ELAPOR1: variants seen among roughly 807,000 people sequenced by gnomAD.
ELAPOR1 encodes endosome/lysosome-associated apoptosis and autophagy regulator 1.
ELAPOR1 carries 77 observed loss-of-function variants against 119.7 expected under a neutral mutation model. The observed-to-expected ratio is 0.64, with a 90% CI of 0.54 to 0.78. The LOEUF is 0.78. Among genes scored for constraint, ELAPOR1 ranks in the 30% least tolerant of loss-of-function variants. ELAPOR1 has a pLI of 0.00. For synonymous variants in ELAPOR1, 481 were observed against 487.2 expected (o/e 0.99, Z 0.17); for missense variants, 1,115 against 1,270.4 (o/e 0.88, Z 1.86).
At chr1:109,164,732 G>A (rs753365284) in intron 3 of ELAPOR1, 41 bp downstream of exon 3, 3 of 1,570,946 alleles carry the variant, frequency 1.9e-6, no homozygotes, top group South Asian at 1.1e-5. Context: ...CAGCCCACTG[G>A]GTAAGGGGCT....
chr1:109,173,589 G>C lies in ELAPOR1; in HGVS notation c.802+10G>C, dbSNP rs752127069. The stretch of plus-strand genomic sequence containing the variant: ...AACATTGCCATAACAGGTACTGAGA[G>C]CAGGGTTACTGACTTCCTGGGCTGT... On this transcript the variant is annotated intron_variant, in intron 6 of 21. Coordinates refer to ENST00000369939, the MANE Select transcript of ELAPOR1 (RefSeq NM_020775.5). 2.0e-5 allele frequency: 32 copies of C among 1,613,866 alleles called. No homozygotes were observed. Among genetic ancestry groups the C allele is most frequent in the Non-Finnish European group, 2.6e-5 (31 of 1,179,770 alleles).
chr1:109,123,709 T>C (rs1648591101), intron 1 of ELAPOR1, among the ~76,000 whole-genome samples: 1 of 152,236 alleles, frequency 6.6e-6, no homozygotes, highest in Admixed American at 6.5e-5. Flanking sequence ...AATTTCATAA[T>C]TGGTTAAGCT....
intron 20 of ELAPOR1, 148 bp downstream of exon 20, chr1:109,200,385 C>A: frequency 1.1e-6 from 1 of 935,154 alleles, no homozygotes; most frequent in Non-Finnish European, 1.6e-6. Flanking sequence ...GTTATCCTGA[C>A]TCCTGAACAG....
At chr1:109,148,540 A>G (rs1282497916) in intron 1 of ELAPOR1, among the ~76,000 whole-genome samples, 1 of 152,234 alleles carries the variant, frequency 6.6e-6, no homozygotes, top group Admixed American at 6.5e-5. Flanking sequence ...ATTTGGAGAA[A>G]CAGTGCTATA....
At chr1:109,126,353 G>A (rs1648778437) in intron 1 of ELAPOR1, among the ~76,000 whole-genome samples, 1 of 152,092 alleles carries the variant, frequency 6.6e-6, no homozygotes, top group South Asian at 2.1e-4. Context: ...CAGGTACAGT[G>A]GCTCACCCCT....
chr1:109,114,441 T>G, intron 1 of ELAPOR1, 105 bp downstream of exon 1: 2 of 1,346,826 alleles, frequency 1.5e-6, no homozygotes, highest in Non-Finnish European at 2.0e-6. Context: ...CCACGGAGTT[T>G]AGATTTCTTT....
chr1:109,121,697 T>G (rs773736045), intron 1 of ELAPOR1, among the ~76,000 whole-genome samples: 9 of 152,048 alleles, frequency 5.9e-5, no homozygotes, highest in Non-Finnish European at 1.2e-4. Context: ...CTTGTGAAAT[T>G]TAGACAATTT....
chr1:109,149,620 C>T (rs1477495571), intron 1 of ELAPOR1, among the ~76,000 whole-genome samples: 1 of 152,150 alleles, frequency 6.6e-6, no homozygotes, highest in Non-Finnish European at 1.5e-5. Context: ...TTGAAAGCTA[C>T]TATGTCAGGT....
At chr1:109,133,940 T>C (rs1428777815) in intron 1 of ELAPOR1, among the ~76,000 whole-genome samples, 1 of 152,208 alleles carries the variant, frequency 6.6e-6, no homozygotes, top group Non-Finnish European at 1.5e-5. Flanking sequence ...TCCAGGCCAT[T>C]TCTACTTTGG....
intron 1 of ELAPOR1, among the ~76,000 whole-genome samples, chr1:109,146,215 G>A (rs1466279072): frequency 6.6e-6 from 1 of 152,038 alleles, no homozygotes; most frequent in Admixed American, 6.6e-5. Context: ...AGCTACTGAG[G>A]AGGCTGAGAT....
chr1:109,182,314 A>AGC (rs1652745195), intron 7 of ELAPOR1, among the ~76,000 whole-genome samples: 1 of 147,128 alleles, frequency 6.8e-6, no homozygotes, highest in Non-Finnish European at 1.5e-5. Context: ...TGGGCAACAG[A>AGC]GCGAGACTCT....
At position 109,198,587 on chromosome 1, in the gene ELAPOR1, C is replaced by A; in HGVS notation, c.2414C>A (p.Thr805Asn). 1.2e-6 allele frequency: 2 copies of A among 1,613,588 alleles called. No homozygotes were observed. The highest frequency in any genetic ancestry group is 1.3e-5 in the African/African-American group (1 of 75,036). Residue 805 changes from threonine to asparagine, a missense_variant, in exon 18 of 22, where the codon ACC becomes AAC. Physicochemically the swap from Thr to Asn is moderately conservative, Grantham distance 65. Coordinates refer to ENST00000369939, the MANE Select transcript of ELAPOR1 (RefSeq NM_020775.5). Reference sequence around the variant, plus strand: ...TTTCTCTGCAGGTCCAATGATGTGACCCAGTCCTGCAGTTCTGGGAGATCA... The same window carrying A: ...TTTCTCTGCAGGTCCAATGATGTGAACCAGTCCTGCAGTTCTGGGAGATCA... ...VIFFYRSNDV[T>N]QSCSSGRSTT...
intron 1 of ELAPOR1, among the ~76,000 whole-genome samples, chr1:109,123,872 G>C (rs1472001755): frequency 1.3e-5 from 2 of 152,028 alleles, no homozygotes; most frequent in Non-Finnish European, 2.9e-5. Flanking sequence ...GCACGATCTT[G>C]GCCCACTGCA....
intron 1 of ELAPOR1, among the ~76,000 whole-genome samples, chr1:109,130,315 G>T (rs969058583): frequency 7.9e-5 from 12 of 152,064 alleles, no homozygotes; most frequent in African/African-American, 2.7e-4. Flanking sequence ...GTTATCAAGT[G>T]CCAAAGTGCC....
chr1:109,198,679 G>A lies in ELAPOR1; in HGVS notation c.2501+5G>A. Reference sequence around the variant, plus strand: ...TGGAAGTTTGCTGCTGCCAGGGTAAGCCCTGCAAAGGGATGTAACAAAGGC... The same window carrying A: ...TGGAAGTTTGCTGCTGCCAGGGTAAACCCTGCAAAGGGATGTAACAAAGGC... On this transcript the variant is annotated splice_donor_5th_base_variant and intron_variant, in intron 18 of 21. Coordinates refer to ENST00000369939, the MANE Select transcript of ELAPOR1 (RefSeq NM_020775.5). 6.2e-7 allele frequency: 1 copy of A among 1,611,084 alleles called. No individual in the cohort carries two copies.
intron 5 of ELAPOR1, 99 bp from the exon 6 acceptor site, chr1:109,173,375 T>A: frequency 1.1e-6 from 1 of 936,898 alleles, no homozygotes; most frequent in Admixed American, 1.9e-5. Context: ...AGCATTACCA[T>A]GCAGTTAGTA....
Position 109,173,818 on chromosome 1 carries a change from T to A in ELAPOR1, c.933T>A (p.Cys311Ter). The A allele has an allele frequency of 6.2e-7, 1 of 1,614,062 alleles. No homozygotes were observed. Among genetic ancestry groups the A allele is most frequent in the Non-Finnish European group, 8.5e-7 (1 of 1,179,990 alleles). ...SNKGETSCHQCDPDKYSEKGS... is the reference protein window; with the variant it reads ...SNKGETSCHQ Reference sequence around the variant, plus strand: ...AAGGAGAAACTTCTTGCCACCAGTGTGACCCTGACAAATACTCAGGTGATG... The same window carrying A: ...AAGGAGAAACTTCTTGCCACCAGTGAGACCCTGACAAATACTCAGGTGATG... The change falls in exon 7 of 22, where the codon TGT (cysteine) becomes TGA (stop). Residue 311 changes from cysteine to a stop codon, truncating the protein, a stop_gained. Coordinates refer to ENST00000369939, the MANE Select transcript of ELAPOR1 (RefSeq NM_020775.5). LOFTEE classifies it high-confidence loss of function.
chr1:109,118,148 A>G (rs1648146195), intron 1 of ELAPOR1, among the ~76,000 whole-genome samples: 1 of 151,994 alleles, frequency 6.6e-6, no homozygotes. Flanking sequence ...AGAAAGAAAG[A>G]AAGAAAGAAA....
intron 1 of ELAPOR1, among the ~76,000 whole-genome samples, chr1:109,115,531 G>A (rs1020919956): frequency 6.6e-6 from 1 of 152,042 alleles, no homozygotes; most frequent in African/African-American, 2.4e-5. Context: ...TTCCCACCTC[G>A]GCCTCCCAAA....
Sources: allele counts gnomAD v4.1 joint callset (sites outside exome capture counted in the v4.1 genomes callset), GRCh38; gene constraint gnomAD v4.1.1; transcripts MANE v1.5; gene names NCBI Gene and HGNC (gene_info 2026-07-23, HGNC 2026-07-21).